CHIC1: variants seen among roughly 807,000 people sequenced by gnomAD.
CHIC1 encodes the protein cysteine-rich hydrophobic domain-containing protein 1.
Under a neutral mutation model 18.5 loss-of-function variants are expected in CHIC1, and 7 were observed. That is an observed-to-expected ratio of 0.38 (90% CI 0.22 to 0.71). The LOEUF is 0.71. Ranked by LOEUF, CHIC1 falls within the 30% of genes least tolerant of loss-of-function variation. CHIC1 has a pLI of 0.49. For missense variants in CHIC1, 159 were observed against 176.9 expected (o/e 0.90, Z 0.57); for synonymous variants, 77 against 73.5 (o/e 1.05, Z -0.25).
intron 3 of CHIC1, among the ~76,000 whole-genome samples, chrX:73,636,643 C>CA (rs750400089): frequency 9.1e-6 from 1 of 109,637 alleles, no homozygotes; most frequent in South Asian, 4.0e-4. Context: ...TTTGTAATGA[C>CA]ACATTTTTAT....
intron 3 of CHIC1, among the ~76,000 whole-genome samples, chrX:73,588,293 G>A (rs1251438380): frequency 9.1e-6 from 1 of 110,169 alleles, no homozygotes; most frequent in East Asian, 2.9e-4. Flanking sequence ...AATCCTCCCA[G>A]CCCTATACAA....
At chrX:73,616,509 C>T (rs1017628296) in intron 3 of CHIC1, among the ~76,000 whole-genome samples, 1 of 112,227 alleles carries the variant, frequency 8.9e-6, no homozygotes, top group African/African-American at 3.2e-5. Context: ...TTCAACCCCA[C>T]ATTTTCCTTA....
chrX:73,593,732 TC>T (rs1450700726), intron 3 of CHIC1, among the ~76,000 whole-genome samples: 3 of 112,004 alleles, frequency 2.7e-5, no homozygotes, highest in Non-Finnish European at 5.6e-5. Flanking sequence ...ATGTTGAAAT[TC>T]CTGTAGTGAA....
At chrX:73,613,315 T>C (rs1356320391) in intron 3 of CHIC1, among the ~76,000 whole-genome samples, 2 of 111,213 alleles carry the variant, frequency 1.8e-5, no homozygotes, top group Admixed American at 9.6e-5. Context: ...CTAATGGGAG[T>C]TGTTTGGGTT....
chrX:73,660,931 T>A (rs1230184500), intron 3 of CHIC1, among the ~76,000 whole-genome samples: 2 of 112,260 alleles, frequency 1.8e-5, no homozygotes, highest in Non-Finnish European at 3.8e-5. Flanking sequence ...AATTTATCAT[T>A]TAAATTTAAG....
chrX:73,655,422 T>C (rs1209156213), intron 3 of CHIC1, among the ~76,000 whole-genome samples: 3 of 86,050 alleles, frequency 3.5e-5, no homozygotes, highest in Non-Finnish European at 6.7e-5. Flanking sequence ...ATTGTGTATA[T>C]ATAGTGTGTG....
At chrX:73,605,878 G>T (rs1211294639) in intron 3 of CHIC1, among the ~76,000 whole-genome samples, 1 of 108,659 alleles carries the variant, frequency 9.2e-6, no homozygotes, top group Non-Finnish European at 1.9e-5. Flanking sequence ...AGTCTGATGG[G>T]CTTCCCTTTG....
chrX:73,656,486 A>G (rs1388415172), intron 3 of CHIC1, among the ~76,000 whole-genome samples: 1 of 111,883 alleles, frequency 8.9e-6, no homozygotes, highest in Non-Finnish European at 1.9e-5. Context: ...TATATGGTAT[A>G]AGGAAGAGGT....
At chrX:73,569,832 GAGT>G (rs1490700754) in intron 1 of CHIC1, among the ~76,000 whole-genome samples, 3 of 111,441 alleles carry the variant, frequency 2.7e-5, no homozygotes, top group African/African-American at 9.8e-5. Flanking sequence ...AAAACTATGA[GAGT>G]ATCAAGCCTA....
At chrX:73,675,619 C>G (rs553273196) in intron 3 of CHIC1, among the ~76,000 whole-genome samples, 5 of 111,503 alleles carry the variant, frequency 4.5e-5, no homozygotes, top group African/African-American at 6.5e-5. Flanking sequence ...TTGAGCCTAT[C>G]TGTGTCTCTG....
At chrX:73,651,792 T>C (rs759853665) in intron 3 of CHIC1, among the ~76,000 whole-genome samples, 4 of 111,594 alleles carry the variant, frequency 3.6e-5, no homozygotes, top group African/African-American at 1.3e-4. Flanking sequence ...AGAATCAATA[T>C]CATGAACATG....
intron 3 of CHIC1, among the ~76,000 whole-genome samples, chrX:73,637,781 TTTC>T (rs2057837869): frequency 8.9e-6 from 1 of 111,876 alleles, no homozygotes; most frequent in Admixed American, 9.5e-5. Context: ...TATTTATGTT[TTTC>T]TTTAGTTCTT....
At chrX:73,656,738 G>C (rs1319538188) in intron 3 of CHIC1, among the ~76,000 whole-genome samples, 1 of 112,012 alleles carries the variant, frequency 8.9e-6, no homozygotes, top group Non-Finnish European at 1.9e-5. Context: ...GTAGCGTGAT[G>C]CCTTCAGCTT....
At chrX:73,572,217 TTTTG>T (rs764701486) in intron 1 of CHIC1, among the ~76,000 whole-genome samples, 3 of 111,147 alleles carry the variant, frequency 2.7e-5, no homozygotes, top group Non-Finnish European at 5.7e-5. Context: ...CGGTATTTGG[TTTTG>T]TTTGTTTCTG....
chrX:73,639,904 G>GT (rs1327770848), intron 3 of CHIC1, among the ~76,000 whole-genome samples: 1 of 111,957 alleles, frequency 8.9e-6, no homozygotes, highest in Non-Finnish European at 1.9e-5. Context: ...TGCTGAAGTT[G>GT]TTTATCAGCT....
chrX:73,647,099 A>G (rs2057893048), intron 3 of CHIC1, among the ~76,000 whole-genome samples: 1 of 111,971 alleles, frequency 8.9e-6, no homozygotes, highest in South Asian at 3.8e-4. Flanking sequence ...ATTGAAAGTC[A>G]GTTGGCTGAA....
intron 1 of CHIC1, among the ~76,000 whole-genome samples, chrX:73,574,886 C>T (rs749020921): frequency 2.7e-5 from 3 of 109,542 alleles, no homozygotes; most frequent in Admixed American, 9.7e-5. Context: ...TTGATTTCAT[C>T]GATTCTTTGT....
intron 2 of CHIC1, among the ~76,000 whole-genome samples, chrX:73,581,427 G>A (rs560222344): frequency 1.8e-5 from 2 of 110,901 alleles, no homozygotes; most frequent in Middle Eastern, 9.3e-3. Context: ...CATTGCTAGA[G>A]ACACTCAATT....
intron 3 of CHIC1, among the ~76,000 whole-genome samples, chrX:73,609,752 AAGG>A (rs2057699207): frequency 9.1e-6 from 1 of 109,632 alleles, no homozygotes; most frequent in Non-Finnish European, 1.9e-5. Context: ...GGAATGAGTC[AAGG>A]TATTTGGGGT....
Sources: gnomAD v4.1 joint callset for allele counts (sites outside exome capture counted in the v4.1 genomes callset) on GRCh38, gnomAD v4.1.1 for gene constraint, MANE v1.5 for transcripts, NCBI Gene and HGNC (gene_info 2026-07-23, HGNC 2026-07-21) for gene names.